KCNH1: variants seen among roughly 807,000 people sequenced by gnomAD.
KCNH1 encodes potassium voltage-gated channel subfamily H member 1.
Under a neutral mutation model 69.2 loss-of-function variants are expected in KCNH1, and 27 were observed. The ratio of observed to expected loss-of-function variants is 0.39; its 90% CI spans 0.29 to 0.54. The LOEUF is 0.54. Ranked by LOEUF, KCNH1 falls within the 20% of genes least tolerant of loss-of-function variation. The pLI, the probability that KCNH1 is intolerant of heterozygous loss-of-function variation, is 0.68. For missense variants in KCNH1, 798 were observed against 1,261.6 expected, an observed-to-expected ratio of 0.63 and a Z score of 5.57; for synonymous variants, 456 against 487.7, an observed-to-expected ratio of 0.93 and a Z score of 0.86.
At position 210,681,448 on chromosome 1, in the gene KCNH1, G is replaced by A. The variant is rs1341581367; in HGVS notation, c.*1833C>T. ...TGTGAGAAGCTACATATGAGGTTAGGGCTCATGGAGCAGGACTCTCCCTTG... is the reference window on the plus strand; with the variant it reads ...TGTGAGAAGCTACATATGAGGTTAGAGCTCATGGAGCAGGACTCTCCCTTG... On this transcript the variant is annotated 3_prime_UTR_variant, in exon 11 of 11. Coordinates refer to ENST00000271751, the MANE Select transcript of KCNH1 (RefSeq NM_172362.3). The A allele has an allele frequency of 2.6e-5, 4 of 152,200 alleles. No homozygotes were observed. The East Asian group carries it at 7.7e-4, about 29-fold the overall frequency. 9.4% of individuals were successfully genotyped at this position (152,200 alleles called of 1,614,324 possible). A position where few individuals can be genotyped will look rare whatever the true frequency, so the allele number is the denominator to read the frequency against.
Position 210,683,953 on chromosome 1 carries a change from C to T in KCNH1, c.2298G>A (p.Val766=). 1 of 1,606,758 alleles carries T rather than the reference C, an allele frequency of 6.2e-7. No individual in the cohort carries two copies. The highest frequency in any genetic ancestry group is 8.5e-7 in the Non-Finnish European group (1 of 1,174,014). The change falls in exon 11 of 11, where the codon GTG becomes GTA. Residue 766 remains valine, a synonymous_variant. Transcript: ENST00000271751. The surrounding 1 kb of genome is among the most constrained non-coding windows in gnomAD (Gnocchi z 5.7). The part of the protein sequence containing the change: ...RGGRDLDDLD[V]EKGNVLTEHA... ...GCTCTGTAAGGACATTGCCCTTCTC[C>T]ACATCTAGGTCATCCAGGTCCCGGC... is the stretch of plus-strand genomic sequence containing the variant.
intron 6 of KCNH1, among the ~76,000 whole-genome samples, chr1:210,971,788 T>C (rs1558547749): frequency 6.6e-6 from 1 of 152,156 alleles, no homozygotes; most frequent in Non-Finnish European, 1.5e-5. Context: ...TTTTCTGGTA[T>C]ACATTGTATA....
At chr1:210,711,839 G>A (rs551698092) in intron 10 of KCNH1, among the ~76,000 whole-genome samples, 2 of 152,318 alleles carry the variant, frequency 1.3e-5, no homozygotes, top group East Asian at 3.9e-4. Context: ...TGCTGAAGGA[G>A]TATATGATGA....
In KCNH1 at chr1:210,681,458, G is replaced by A. The variant is rs1681263601; in HGVS notation, c.*1823C>T. The A allele has an allele frequency of 2.0e-5, 3 of 152,258 alleles. No individual in the cohort carries two copies. The highest frequency in any genetic ancestry group is 7.2e-5 in the African/African-American group (3 of 41,448). 9.4% of individuals were successfully genotyped at this position (152,258 alleles called of 1,614,324 possible). A position where few individuals can be genotyped will look rare whatever the true frequency, so the allele number is the denominator to read the frequency against. ...TACATATGAGGTTAGGGCTCATGGA[G>A]CAGGACTCTCCCTTGAGCTCGCAGG... On this transcript the variant is annotated 3_prime_UTR_variant, in exon 11 of 11. Transcript: ENST00000271751.
At chr1:211,059,772 A>C (rs1005311060) in intron 5 of KCNH1, among the ~76,000 whole-genome samples, 23 of 152,044 alleles carry the variant, frequency 1.5e-4, no homozygotes, top group African/African-American at 5.3e-4. Context: ...AGAGAGAGAG[A>C]GAGAGATTCC....
chr1:210,700,273 G>T (rs1329105000), intron 10 of KCNH1, among the ~76,000 whole-genome samples: 3 of 152,202 alleles, frequency 2.0e-5, no homozygotes, highest in Non-Finnish European at 2.9e-5. Flanking sequence ...GCTATCTTTG[G>T]TATAGGGAGC....
chr1:210,819,368 GTCATTA>G (rs1399396543), intron 7 of KCNH1, among the ~76,000 whole-genome samples: 2 of 152,070 alleles, frequency 1.3e-5, no homozygotes, highest in Non-Finnish European at 2.9e-5. Context: ...ACTCAGAAAG[GTCATTA>G]TTCTTCAGGA....
At chr1:211,047,121 G>A (rs1273687908) in intron 5 of KCNH1, among the ~76,000 whole-genome samples, 1 of 152,116 alleles carries the variant, frequency 6.6e-6, no homozygotes, top group East Asian at 1.9e-4. Flanking sequence ...AATCTGATAT[G>A]CATTTCACAC....
chr1:210,987,554 A>G (rs930486223), intron 6 of KCNH1, among the ~76,000 whole-genome samples: 5 of 152,092 alleles, frequency 3.3e-5, no homozygotes, highest in Non-Finnish European at 7.3e-5. Flanking sequence ...TCCACTCCAG[A>G]CCCCGTTTGC....
intron 7 of KCNH1, among the ~76,000 whole-genome samples, chr1:210,908,964 C>T (rs973985021): frequency 6.6e-6 from 1 of 152,234 alleles, no homozygotes; most frequent in African/African-American, 2.4e-5. Context: ...CCTACCAAGA[C>T]TTCTCTCCTT....
chr1:210,905,035 T>C (rs1227161277), intron 7 of KCNH1, among the ~76,000 whole-genome samples: 2 of 152,016 alleles, frequency 1.3e-5, no homozygotes, highest in Admixed American at 6.6e-5. Flanking sequence ...CACCATCAGC[T>C]CCTTAAGGAG....
chr1:210,789,768 T>C (rs1684177669), intron 9 of KCNH1, among the ~76,000 whole-genome samples: 1 of 152,240 alleles, frequency 6.6e-6, no homozygotes, highest in Admixed American at 6.5e-5. Flanking sequence ...CTTTTATCTA[T>C]GAATCAATGT....
At chr1:210,978,274 G>A (rs911293898) in intron 6 of KCNH1, among the ~76,000 whole-genome samples, 6 of 152,182 alleles carry the variant, frequency 3.9e-5, no homozygotes, top group Non-Finnish European at 5.9e-5. Flanking sequence ...TCCTGACCTC[G>A]TGATCTGCCT....
At chr1:211,028,812 A>G (rs1238663441) in intron 5 of KCNH1, among the ~76,000 whole-genome samples, 1 of 152,102 alleles carries the variant, frequency 6.6e-6, no homozygotes, top group Non-Finnish European at 1.5e-5. Flanking sequence ...GATGGTTTTA[A>G]TAAATAATGG....
chr1:210,859,649 C>T, intron 7 of KCNH1: 1 of 1,321,392 alleles, frequency 7.6e-7, no homozygotes, highest in African/African-American at 1.4e-5. Context: ...TTGTGTTCTG[C>T]ATGGCAGGCA....
At position 210,776,240 on chromosome 1, in the gene KCNH1, C is replaced by G. The variant is rs144834924; in HGVS notation, c.1916-696G>C. ...GTATGGTGCCTCTTTCTCATCCTCT[C>G]TCCCATACCTCCTTCCAGAGTATGT... On this transcript the variant is annotated intron_variant, in intron 9 of 10. Transcript: ENST00000271751. Among the ~76,000 whole-genome samples the G allele has an allele frequency of 1.7e-3, 261 of 152,282 alleles. 2 individuals are homozygous for G. Among genetic ancestry groups the G allele is most frequent in the African/African-American group, 6.0e-3 (248 of 41,550 alleles).
At chr1:210,903,746 G>T (rs748082657) in intron 7 of KCNH1, among the ~76,000 whole-genome samples, 3 of 152,154 alleles carry the variant, frequency 2.0e-5, no homozygotes, top group African/African-American at 7.2e-5. Flanking sequence ...GGAAAGTCCT[G>T]GACCAATACT....
chr1:210,754,055 C>T (rs1683341013), intron 10 of KCNH1, among the ~76,000 whole-genome samples: 1 of 151,950 alleles, frequency 6.6e-6, no homozygotes, highest in East Asian at 1.9e-4. Context: ...GCTGGGACTA[C>T]AGGCGCCCGC....
At chr1:211,053,132 G>A (rs963895122) in intron 5 of KCNH1, among the ~76,000 whole-genome samples, 3 of 152,218 alleles carry the variant, frequency 2.0e-5, no homozygotes, top group Non-Finnish European at 2.9e-5. Context: ...TGATTAGATA[G>A]GCAGTGTAAA....
Sources: gnomAD v4.1 joint callset for allele counts (sites outside exome capture counted in the v4.1 genomes callset) on GRCh38, gnomAD v4.1.1 for gene constraint, Gnocchi (gnomAD v3.1) non-coding constraint, MANE v1.5 for transcripts, NCBI Gene and HGNC (gene_info 2026-07-23, HGNC 2026-07-21) for gene names.